The following NOL10 variants were observed in gnomAD, a reference collection of about 807,000 sequenced individuals.
NOL10 encodes the protein H_NH0074G24.1.
Under a neutral mutation model 103.5 loss-of-function variants are expected in NOL10, and 58 were observed. The observed-to-expected ratio is 0.56, with a 90% CI of 0.45 to 0.70. NOL10 has a LOEUF of 0.70. Among genes scored for constraint, NOL10 ranks in the 30% least tolerant of loss-of-function variants. NOL10 has a pLI of 0.00. For missense variants in NOL10, 763 were observed against 807.3 expected, an observed-to-expected ratio of 0.95 and a Z score of 0.67; for synonymous variants, 287 against 282.5, an observed-to-expected ratio of 1.02 and a Z score of -0.16.
chr2:10,628,854 C>A (rs1677653095), intron 13 of NOL10, among the ~76,000 whole-genome samples: 1 of 152,184 alleles, frequency 6.6e-6, no homozygotes, highest in Non-Finnish European at 1.5e-5. Flanking sequence ...CCGAGTAACT[C>A]TTTTCTCAAT....
intron 13 of NOL10, among the ~76,000 whole-genome samples, chr2:10,627,165 C>T (rs1677524370): frequency 2.6e-5 from 4 of 152,334 alleles, no homozygotes; most frequent in African/African-American, 9.6e-5. Flanking sequence ...GTATTAACCA[C>T]CTGACATTTG....
At position 10,678,421 on chromosome 2, in the gene NOL10, T is replaced by TAAA. The variant is rs34336101; in HGVS notation, c.212-2553_212-2551dup. 1.9e-3 allele frequency among the ~76,000 whole-genome samples: 224 copies of TAAA among 116,726 alleles called. 2 individuals carry two copies. Among genetic ancestry groups the TAAA allele is most frequent in the African/African-American group, 6.2e-3 (217 of 35,010 alleles). The allele number at this position is 116,726 out of a possible 152,430, so 76.6% of individuals were successfully genotyped here. ...TTTGGCCACTAGGGGAAAAAAGTGG[T>TAAA]AAAAAAAAAAAAAAACACTAATAAA... On this transcript the variant is annotated intron_variant, in intron 3 of 20. Coordinates refer to ENST00000381685, the MANE Select transcript of NOL10 (RefSeq NM_024894.4).
Position 10,681,990 on chromosome 2 carries a change from T to C in NOL10, c.192A>G (p.Gly64=), listed in dbSNP as rs1293443706. 1 of 1,473,234 alleles carries C rather than the reference T, an allele frequency of 6.8e-7. No individual in the cohort carries two copies. The highest frequency in any genetic ancestry group is 1.5e-5 in the South Asian group (1 of 64,658). 91.3% of individuals were successfully genotyped at this position (1,473,234 alleles called of 1,614,324 possible). A position where few individuals can be genotyped will look rare whatever the true frequency, so the allele number is the denominator to read the frequency against. ...GCTTACCAGTTGCTAAAATGTACTG[T>C]CCATCTTTTGACACCTTAATAGTGG... ...VCTTIKVSKD[G]QYILATGTYK... The change falls in exon 3 of 21, where the codon GGA becomes GGG. Residue 64 remains glycine, a synonymous_variant. Transcript: ENST00000381685.
chr2:10,581,941 C>T (rs1674777765), intron 19 of NOL10, among the ~76,000 whole-genome samples: 1 of 152,134 alleles, frequency 6.6e-6, no homozygotes. Context: ...GTGTGGTGCA[C>T]ACACAGCCAT....
At chr2:10,609,184 G>T (rs375700327) in intron 13 of NOL10, among the ~76,000 whole-genome samples, 1 of 151,506 alleles carries the variant, frequency 6.6e-6, no homozygotes, top group African/African-American at 2.4e-5. Context: ...CCACACACAC[G>T]CACATACACA....
intron 5 of NOL10, among the ~76,000 whole-genome samples, chr2:10,672,691 A>G (rs1681024904): frequency 6.6e-6 from 1 of 152,180 alleles, no homozygotes; most frequent in Non-Finnish European, 1.5e-5. Context: ...GTTGAAAGTG[A>G]TTATAAGAGT....
chr2:10,594,443 G>A (rs1360152652), intron 17 of NOL10, among the ~76,000 whole-genome samples: 3 of 152,108 alleles, frequency 2.0e-5, no homozygotes, highest in Non-Finnish European at 4.4e-5. Flanking sequence ...GGGAGGTCCC[G>A]GGATTAGAAG....
At chr2:10,667,385 GAC>G in intron 7 of NOL10, 107 bp from the exon 8 acceptor site, 1 of 795,976 alleles carries the variant, frequency 1.3e-6, no homozygotes, top group Non-Finnish European at 2.1e-6. Flanking sequence ...GTAGAAAGAA[GAC>G]ACACAGATTC....
intron 1 of NOL10, among the ~76,000 whole-genome samples, chr2:10,685,309 A>G (rs1303600024): frequency 6.6e-6 from 1 of 152,140 alleles, no homozygotes; most frequent in Admixed American, 6.6e-5. Context: ...CCTGGCCAAC[A>G]TGGTGAAACC....
intron 20 of NOL10, among the ~76,000 whole-genome samples, chr2:10,574,584 G>A (rs182987755): frequency 2.0e-5 from 3 of 149,964 alleles, no homozygotes; most frequent in South Asian, 4.2e-4. Flanking sequence ...GAGGTGGAGC[G>A]TGCATTGAGC....
At chr2:10,617,436 C>T (rs751864962) in intron 13 of NOL10, among the ~76,000 whole-genome samples, 2 of 152,108 alleles carry the variant, frequency 1.3e-5, no homozygotes, top group Admixed American at 6.5e-5. Flanking sequence ...AGTGGTCACA[C>T]GTTAGAAAGA....
intron 11 of NOL10, 120 bp from the exon 12 acceptor site, chr2:10,654,667 C>A: frequency 2.0e-6 from 1 of 507,024 alleles, no homozygotes; most frequent in Admixed American, 3.9e-5. Flanking sequence ...TAGCCTACTT[C>A]AAATACAAAA....
At chr2:10,654,630 CA>C in intron 11 of NOL10, 83 bp from the exon 12 acceptor site, 1 of 708,194 alleles carries the variant, frequency 1.4e-6, no homozygotes, top group Non-Finnish European at 2.4e-6. Context: ...GTAACTCAAC[CA>C]TCTACTCCTA....
rs892183746 is a variant in NOL10, at chr2:10,685,457, C to T, written c.67-845G>A. Among the ~76,000 whole-genome samples, 119 of 141,828 alleles carry T rather than the reference C, an allele frequency of 8.4e-4. 2 individuals carry two copies. The highest frequency in any genetic ancestry group is 3.5e-3 in the South Asian group (15 of 4,284). The allele number at this position is 141,828 out of a possible 152,430, so 93.0% of individuals were successfully genotyped here. On this transcript the variant is annotated intron_variant, in intron 1 of 20. Transcript: ENST00000381685. ...GCAGGGAGCTGAGATCTTCCCACTA[C>T]ACTCCGGCCTGGTGACTGAGAGAGA...
chr2:10,668,503 A>C (rs757427181), intron 7 of NOL10, among the ~76,000 whole-genome samples, 155 bp downstream of exon 7: 20 of 152,168 alleles, frequency 1.3e-4, no homozygotes, highest in Non-Finnish European at 1.8e-4. Flanking sequence ...CTTTCAGTGA[A>C]TTTTTTGTCT....
rs1326550316 is a variant in NOL10 at position 10,668,703 on chromosome 2, T to C, written c.485A>G (p.Asn162Ser). The change falls in exon 7 of 21, where the codon AAC becomes AGC. Residue 162 changes from asparagine to serine, a missense_variant. Transcript: ENST00000381685. ...ATTCAGGTATCGTCCTTGTTCTAAGTTTAACCTATAAACTTCAGAACTGTA... is the reference window on the plus strand; with the variant it reads ...ATTCAGGTATCGTCCTTGTTCTAAGCTTAACCTATAAACTTCAGAACTGTA... ...VGASSEVYRL[N>S]LEQGRYLNPL... The C allele has an allele frequency of 6.5e-7, 1 of 1,538,634 alleles. No homozygotes were observed. The highest frequency in any genetic ancestry group is 1.2e-5 in the South Asian group (1 of 82,042).
intron 13 of NOL10, among the ~76,000 whole-genome samples, chr2:10,626,447 A>G (rs1427148349): frequency 6.6e-6 from 1 of 152,204 alleles, no homozygotes; most frequent in Non-Finnish European, 1.5e-5. Flanking sequence ...TATTTTCTGT[A>G]TAAGGTGGGC....
Position 10,689,863 on chromosome 2 carries a change from G to T in NOL10, c.-2C>A. The T allele has an allele frequency of 6.2e-7, 1 of 1,604,930 alleles. No individual in the cohort carries two copies. Among genetic ancestry groups the T allele is most frequent in the East Asian group, 2.2e-5 (1 of 44,468 alleles). ...CTCATTGAGGCTGGAGACCTGCATG[G>T]CGCCGCACAACACTGTTCAAGTCCC... On this transcript the variant is annotated 5_prime_UTR_variant, in exon 1 of 21. Coordinates refer to ENST00000381685, the MANE Select transcript of NOL10 (RefSeq NM_024894.4).
intron 11 of NOL10, among the ~76,000 whole-genome samples, chr2:10,655,669 T>C (rs914464990): frequency 5.1e-4 from 78 of 152,280 alleles, no homozygotes; most frequent in East Asian, 1.9e-4. Context: ...AAGTCTTTAG[T>C]CATAAGAAAC....
Sources: gnomAD v4.1 joint callset for allele counts (sites outside exome capture counted in the v4.1 genomes callset) on GRCh38, gnomAD v4.1.1 for gene constraint, MANE v1.5 for transcripts, NCBI Gene and HGNC (gene_info 2026-07-23, HGNC 2026-07-21) for gene names.